The following CSF2RA variants were observed in gnomAD, a reference collection of about 807,000 sequenced individuals.
The protein encoded by CSF2RA is colony stimulating factor 2 receptor subunit alpha.
CSF2RA carries 42 observed loss-of-function variants against 51.6 expected under a neutral mutation model. The observed-to-expected ratio is 0.81, with a 90% CI of 0.64 to 1.05. The LOEUF (loss-of-function observed/expected upper bound fraction) is 1.05. Ranked by LOEUF, CSF2RA falls within the 50% of genes least tolerant of loss-of-function variation. The probability of loss-of-function intolerance (pLI) is 0.00; values close to 1 mark genes in which losing one functional copy is unlikely to be tolerated. For synonymous variants in CSF2RA, 222 were observed against 193.0 expected (o/e 1.15, Z -1.24); for missense variants, 530 against 501.1 (o/e 1.06, Z -0.55).
At chrX:1,316,919 T>C in the CSF2RA span, among the ~76,000 whole-genome samples, 2 of 152,202 alleles carry the variant, frequency 1.3e-5, no homozygotes, top group African/African-American at 4.8e-5. Context: ...CTAGATAGAT[T>C]ACTAAGAAAC....
At chrX:1,307,084 C>G (rs1449933599) in intron 12 of CSF2RA, among the ~76,000 whole-genome samples, 3 of 152,032 alleles carry the variant, frequency 2.0e-5, no homozygotes, top group Non-Finnish European at 2.9e-5. Flanking sequence ...CCCATTGGCG[C>G]TCCTCTCCCA....
At chrX:1,313,810 G>A (rs1246678425), downstream of CSF2RA, among the ~76,000 whole-genome samples, 6 of 151,700 alleles carry the variant, frequency 4.0e-5, no homozygotes, top group Admixed American at 1.3e-4. Context: ...CTAACATGGT[G>A]AAACTCCATC....
chrX:1,283,107 G>C (rs778292236), intron 3 of CSF2RA, among the ~76,000 whole-genome samples: 7 of 139,658 alleles, frequency 5.0e-5, no homozygotes, highest in Admixed American at 2.9e-4. Context: ...TCCTTCCTTC[G>C]TTCCTTCGTT....
At chrX:1,314,305 G>GCCCAACCGCAC (rs1569514753), downstream of CSF2RA, among the ~76,000 whole-genome samples, 8 of 111,922 alleles carry the variant, frequency 7.1e-5, no homozygotes, top group Admixed American at 9.1e-5. Flanking sequence ...CAACCACTCT[G>GCCCAACCGCAC]TGCCTGCCCA....
At chrX:1,299,825 G>A (rs1320323339) in intron 9 of CSF2RA, among the ~76,000 whole-genome samples, 3 of 152,130 alleles carry the variant, frequency 2.0e-5, no homozygotes, top group African/African-American at 7.2e-5. Flanking sequence ...GGCTGAGGCA[G>A]GAGAATGGCG....
chrX:1,316,045 C>CAATAGAT, the CSF2RA span, among the ~76,000 whole-genome samples: 1 of 58,200 alleles, frequency 1.7e-5, no homozygotes, highest in Non-Finnish European at 4.5e-5. Context: ...GACCAATAGA[C>CAATAGAT]AGATAGATAG....
chrX:1,323,858 C>T, the CSF2RA span, among the ~76,000 whole-genome samples: 1 of 151,318 alleles, frequency 6.6e-6, no homozygotes, highest in Admixed American at 6.6e-5. Flanking sequence ...AATAAAAATA[C>T]AAAAAATTAG....
the CSF2RA span, among the ~76,000 whole-genome samples, chrX:1,322,099 A>ATTATTTAT: frequency 0.24 from 35,604 of 146,476 alleles, 4,838 homozygotes; most frequent in Middle Eastern, 0.3. Flanking sequence ...ATAACATCCT[A>ATTATTTAT]TTATTTATTT....
rs1334640498 is a variant in CSF2RA at position 1,290,263 on chromosome X, T to A, written c.474-74T>A. ...TTTTTGTGTTTTGTTTTGTGTTTGT[T>A]TTTGTTTTGTTTTGTGTTTTTGTGT... On this transcript the variant is annotated intron_variant, in intron 6 of 12. Coordinates refer to ENST00000381529, the MANE Select transcript of CSF2RA (RefSeq NM_172245.4). The A allele has an allele frequency of 4.8e-6, 6 of 1,239,858 alleles. No individual in the cohort carries two copies. In the African/African-American group the frequency reaches 7.5e-5, roughly 15 times the overall value. The allele number at this position is 1,239,858 out of a possible 1,614,324, so 76.8% of individuals were successfully genotyped here. A position where few individuals can be genotyped will look rare whatever the true frequency, so the allele number is the denominator to read the frequency against.
the CSF2RA span, among the ~76,000 whole-genome samples, chrX:1,318,170 C>CT: frequency 8.6e-5 from 11 of 127,202 alleles, no homozygotes; most frequent in South Asian, 2.5e-4. Context: ...TTTTTTTTAA[C>CT]TTTTTTTTTT....
At chrX:1,320,099 G>A in the CSF2RA span, among the ~76,000 whole-genome samples, 1 of 151,936 alleles carries the variant, frequency 6.6e-6, no homozygotes, top group Non-Finnish European at 1.5e-5. Context: ...ATTTCACCAT[G>A]TTAGCCAGGA....
chrX:1,281,179 TCC>T (rs1491579458), intron 2 of CSF2RA, among the ~76,000 whole-genome samples: 33 of 122,530 alleles, frequency 2.7e-4, no homozygotes, highest in Non-Finnish European at 4.5e-4. Context: ...CTCCTTCTCC[TCC>T]TTCTCCTTCT....
chrX:1,302,151 G>A (rs1325257962), intron 10 of CSF2RA, among the ~76,000 whole-genome samples: 1 of 146,306 alleles, frequency 6.8e-6, no homozygotes, highest in African/African-American at 2.5e-5. Context: ...CCTGACCTCA[G>A]GTGATCTGCC....
chrX:1,292,241 A>G (rs1421714219), intron 7 of CSF2RA, among the ~76,000 whole-genome samples: 3 of 152,198 alleles, frequency 2.0e-5, no homozygotes, highest in Non-Finnish European at 4.4e-5. Context: ...ACGTGGACAC[A>G]GTGTAGACAG....
the CSF2RA span, among the ~76,000 whole-genome samples, chrX:1,323,833 T>G: frequency 1.3e-5 from 2 of 151,152 alleles, no homozygotes; most frequent in African/African-American, 4.9e-5. Flanking sequence ...GCTAACACGG[T>G]GAAACCCCGT....
chrX:1,285,558 G>A (rs2090532353), intron 3 of CSF2RA: 1 of 611,016 alleles, frequency 1.6e-6, no homozygotes. Context: ...AGCTGGGCAT[G>A]GTGGTCGGCG....
chrX:1,280,449 T>C (rs1215483344), intron 2 of CSF2RA, among the ~76,000 whole-genome samples: 8 of 134,150 alleles, frequency 6.0e-5, no homozygotes, highest in Admixed American at 1.8e-4. Flanking sequence ...CCAGCCTGGG[T>C]GACAAGAGTG....
At chrX:1,303,584 C>A (rs1273911609) in intron 10 of CSF2RA, among the ~76,000 whole-genome samples, 74 of 151,774 alleles carry the variant, frequency 4.9e-4, no homozygotes, top group Non-Finnish European at 1.6e-4. Flanking sequence ...CCATGTTGGT[C>A]AGGCTGGTCT....
At chrX:1,302,230 C>T (rs1262186731) in intron 10 of CSF2RA, among the ~76,000 whole-genome samples, 1 of 152,088 alleles carries the variant, frequency 6.6e-6, no homozygotes, top group African/African-American at 2.4e-5. Flanking sequence ...AAGCTCTCTT[C>T]AAAGCCAGGT....
Sources: gnomAD v4.1 joint callset for allele counts (sites outside exome capture counted in the v4.1 genomes callset) on GRCh38, gnomAD v4.1.1 for gene constraint, MANE v1.5 for transcripts, NCBI Gene and HGNC (gene_info 2026-07-23, HGNC 2026-07-21) for gene names.